Variants in NHS observed in about 807,000 individuals in gnomAD.
The protein encoded by NHS is actin remodeling regulator NHS.
A neutral mutation model predicts 72.5 loss-of-function variants in NHS; 5 were observed. That is an observed-to-expected ratio of 0.07 (90% CI 0.04 to 0.14). NHS has a LOEUF of 0.14. NHS is among the 10% of genes least tolerant of loss of function. The pLI, the probability that NHS is intolerant of heterozygous loss-of-function variation, is 1.00. For synonymous variants in NHS, 464 were observed against 547.7 expected (o/e 0.85, Z 2.13); for missense variants, 1,072 against 1,355.7 (o/e 0.79, Z 3.29).
chrX:17,450,396 T>G (rs1184601417), intron 1 of NHS, among the ~76,000 whole-genome samples: 5 of 112,085 alleles, frequency 4.5e-5, no homozygotes, highest in Non-Finnish European at 9.4e-5. Flanking sequence ...ATTTTGCATG[T>G]GTTAATTCAT....
chrX:17,559,001 C>T (rs1480436089), intron 1 of NHS, among the ~76,000 whole-genome samples: 1 of 112,625 alleles, frequency 8.9e-6, no homozygotes, highest in Non-Finnish European at 1.9e-5. Context: ...TTCTTCAAAA[C>T]TCTAATGCCT....
chrX:17,420,293 A>C (rs1257907163), intron 1 of NHS, among the ~76,000 whole-genome samples: 1 of 111,619 alleles, frequency 9.0e-6, no homozygotes. Context: ...CCATCTTCTT[A>C]TTCCCTATCT....
intron 1 of NHS, among the ~76,000 whole-genome samples, chrX:17,458,296 C>T (rs563021918): frequency 2.7e-5 from 3 of 111,691 alleles, no homozygotes; most frequent in Non-Finnish European, 5.6e-5. Context: ...GGCGAGATCT[C>T]GGCTCACTGC....
intron 1 of NHS, among the ~76,000 whole-genome samples, chrX:17,519,224 C>T (rs781478596): frequency 2.7e-5 from 3 of 111,511 alleles, no homozygotes; most frequent in Non-Finnish European, 5.6e-5. Flanking sequence ...TTACATTTAG[C>T]AATGGTCTAA....
intron 3 of NHS, among the ~76,000 whole-genome samples, chrX:17,699,780 A>G (rs1324098879): frequency 8.9e-6 from 1 of 112,232 alleles, no homozygotes; most frequent in Non-Finnish European, 1.9e-5. Context: ...AAATGAAACC[A>G]CACAAGTACT....
intron 1 of NHS, among the ~76,000 whole-genome samples, chrX:17,486,780 C>T (rs926634083): frequency 1.8e-5 from 2 of 112,164 alleles, no homozygotes; most frequent in African/African-American, 6.5e-5. Context: ...AATAAACAAA[C>T]TACCTACCAT....
At chrX:17,415,076 G>C (rs1231344435) in intron 1 of NHS, among the ~76,000 whole-genome samples, 1 of 111,095 alleles carries the variant, frequency 9.0e-6, no homozygotes, top group Non-Finnish European at 1.9e-5. Flanking sequence ...GACCTCGCTG[G>C]GGACAGCTGA....
chrX:17,446,975 T>G (rs1473421122), intron 1 of NHS, among the ~76,000 whole-genome samples: 1 of 112,236 alleles, frequency 8.9e-6, no homozygotes, highest in Non-Finnish European at 1.9e-5. Context: ...TATGAGTTGC[T>G]TCAGCTTTCA....
intron 1 of NHS, among the ~76,000 whole-genome samples, chrX:17,491,032 T>G (rs748776251): frequency 8.9e-6 from 1 of 111,912 alleles, no homozygotes; most frequent in Non-Finnish European, 1.9e-5. Context: ...TGGGTTAAGA[T>G]GATGGGATTT....
intron 1 of NHS, among the ~76,000 whole-genome samples, chrX:17,678,293 T>A (rs183061814): frequency 0.063 from 6,451 of 101,755 alleles, 259 homozygotes; most frequent in Non-Finnish European, 0.095. Flanking sequence ...TGTGTGTGTG[T>A]GAGAGAGAGA....
chrX:17,488,505 G>C (rs368890030), intron 1 of NHS, among the ~76,000 whole-genome samples: 2 of 111,626 alleles, frequency 1.8e-5, no homozygotes, highest in African/African-American at 6.5e-5. Flanking sequence ...CTGGAAACTA[G>C]AGCCAGCATT....
chrX:17,725,195 T>G (rs1037284602), intron 6 of NHS, 152 bp from the exon 7 acceptor site: 34 of 475,133 alleles, frequency 7.2e-5, no homozygotes, highest in Non-Finnish European at 1.2e-4. Flanking sequence ...GCATTTTAAC[T>G]CTCACCTAAT....
chrX:17,412,083 G>C (rs1325878189), intron 1 of NHS, among the ~76,000 whole-genome samples: 2 of 110,569 alleles, frequency 1.8e-5, no homozygotes, highest in Non-Finnish European at 3.8e-5. Context: ...ATGGTGTTAA[G>C]TGTATCTTTT....
chrX:17,632,385 T>A (rs996894840), intron 1 of NHS, among the ~76,000 whole-genome samples: 1 of 110,647 alleles, frequency 9.0e-6, no homozygotes, highest in Non-Finnish European at 1.9e-5. Flanking sequence ...AAACAGTTTT[T>A]TTTTTTTAGA....
chrX:17,435,072 G>A (rs980396164), intron 1 of NHS, among the ~76,000 whole-genome samples: 6 of 112,097 alleles, frequency 5.4e-5, no homozygotes, highest in Non-Finnish European at 9.4e-5. Context: ...ATATGTGCCA[G>A]GCAGAGGGAA....
chrX:17,707,464 C>A (rs2066302793), intron 3 of NHS, among the ~76,000 whole-genome samples: 1 of 111,965 alleles, frequency 8.9e-6, no homozygotes, highest in Admixed American at 9.4e-5. Context: ...ACAAACCTTT[C>A]TTTTTACCAA....
chrX:17,396,216 A>G (rs2064473744), intron 1 of NHS, among the ~76,000 whole-genome samples: 1 of 112,197 alleles, frequency 8.9e-6, no homozygotes, highest in Non-Finnish European at 1.9e-5. Flanking sequence ...TACATTTTAC[A>G]TTTGTGAGTC....
chrX:17,570,986 A>T (rs2065474804), intron 1 of NHS, among the ~76,000 whole-genome samples: 1 of 112,146 alleles, frequency 8.9e-6, no homozygotes, highest in African/African-American at 3.2e-5. Flanking sequence ...TGATTTGCAT[A>T]TGTTGAACCA....
intron 1 of NHS, among the ~76,000 whole-genome samples, chrX:17,506,527 T>A (rs370574076): frequency 1.0e-5 from 1 of 98,185 alleles, no homozygotes; most frequent in Admixed American, 1.1e-4. Context: ...TGAGACTCTG[T>A]AATAAATAAA....
Sources: allele counts gnomAD v4.1 joint callset (sites outside exome capture counted in the v4.1 genomes callset), GRCh38; gene constraint gnomAD v4.1.1; transcripts MANE v1.5; gene names NCBI Gene and HGNC (gene_info 2026-07-23, HGNC 2026-07-21).